The following GULP1 variants were observed in gnomAD, a reference collection of about 807,000 sequenced individuals.
GULP1 encodes PTB domain-containing engulfment adapter protein 1.
GULP1 carries 19 observed loss-of-function variants against 40.9 expected under a neutral mutation model. The ratio of observed to expected loss-of-function variants is 0.46; its 90% CI spans 0.32 to 0.68. GULP1 has a LOEUF of 0.68. Ranked by LOEUF, GULP1 falls within the 30% of genes least tolerant of loss-of-function variation. GULP1 has a pLI of 0.03. For synonymous variants in GULP1, 119 were observed against 117.6 expected (o/e 1.01, Z -0.08); for missense variants, 312 against 362.2 (o/e 0.86, Z 1.12).
chr2:188,355,295 G>GA (rs1207738877), intron 1 of GULP1, among the ~76,000 whole-genome samples: 1 of 151,410 alleles, frequency 6.6e-6, no homozygotes, highest in Non-Finnish European at 1.5e-5. Flanking sequence ...CTAGACTAAG[G>GA]AAAAAAAGGA....
intron 2 of GULP1, among the ~76,000 whole-genome samples, chr2:188,418,040 C>T (rs1442953888): frequency 6.6e-6 from 1 of 151,880 alleles, no homozygotes; most frequent in African/African-American, 2.4e-5. Flanking sequence ...TCTCAAACTC[C>T]AGGCCTCTAG....
chr2:188,323,647 GAT>G (rs201561235), intron 1 of GULP1, among the ~76,000 whole-genome samples: 23,026 of 111,074 alleles, frequency 0.21, 1,938 homozygotes, highest in African/African-American at 0.24. Flanking sequence ...GATATCTGAA[GAT>G]ATGTGTGTGT....
chr2:188,528,439 C>T (rs1355410074), intron 5 of GULP1, among the ~76,000 whole-genome samples: 1 of 151,698 alleles, frequency 6.6e-6, no homozygotes, highest in Non-Finnish European at 1.5e-5. Context: ...CAGAATCGAA[C>T]AAGCATTTAC....
chr2:188,410,558 A>G (rs1477735980), intron 2 of GULP1, among the ~76,000 whole-genome samples: 2 of 152,230 alleles, frequency 1.3e-5, no homozygotes, highest in East Asian at 3.9e-4. Context: ...TTCTCAGAAG[A>G]AAACATACAG....
intron 4 of GULP1, among the ~76,000 whole-genome samples, chr2:188,492,117 A>T (rs759718270): frequency 2.0e-5 from 3 of 152,100 alleles, no homozygotes; most frequent in Non-Finnish European, 4.4e-5. Context: ...CAGTACAAAG[A>T]GGTTGCTGGG....
At chr2:188,450,274 T>C (rs1358707445) in intron 2 of GULP1, among the ~76,000 whole-genome samples, 1 of 152,182 alleles carries the variant, frequency 6.6e-6, no homozygotes, top group African/African-American at 2.4e-5. Context: ...CATTTGTTTG[T>C]TGTCTAATTA....
chr2:188,382,493 A>G (rs1395035154), intron 1 of GULP1, among the ~76,000 whole-genome samples: 1 of 152,210 alleles, frequency 6.6e-6, no homozygotes, highest in African/African-American at 2.4e-5. Context: ...TCATCTCCCA[A>G]ATAAACTTCT....
chr2:188,502,124 G>A (rs2063490073), intron 4 of GULP1, among the ~76,000 whole-genome samples: 1 of 151,812 alleles, frequency 6.6e-6, no homozygotes, highest in South Asian at 2.1e-4. Context: ...TATATCCCTA[G>A]CGGTGTAAGA....
intron 2 of GULP1, among the ~76,000 whole-genome samples, chr2:188,391,789 G>T (rs1258175375): frequency 7.9e-5 from 12 of 152,008 alleles, no homozygotes; most frequent in Non-Finnish European, 1.6e-4. Flanking sequence ...TACCTTCTAT[G>T]CCTAGTTTTT....
chr2:188,432,398 ATT>A (rs924263170), intron 2 of GULP1, among the ~76,000 whole-genome samples: 27 of 148,968 alleles, frequency 1.8e-4, no homozygotes, highest in South Asian at 1.5e-3. Context: ...TCTGTTAATC[ATT>A]TTTTTTTTAG....
chr2:188,449,697 G>T (rs1037144568), intron 2 of GULP1, among the ~76,000 whole-genome samples: 2 of 152,120 alleles, frequency 1.3e-5, no homozygotes, highest in African/African-American at 4.8e-5. Context: ...AGATTGTAAA[G>T]AATTCCCATT....
At chr2:188,360,161 C>T (rs1336242355) in intron 1 of GULP1, among the ~76,000 whole-genome samples, 1 of 151,998 alleles carries the variant, frequency 6.6e-6, no homozygotes, top group Non-Finnish European at 1.5e-5. Flanking sequence ...ATGATTCTAC[C>T]TACTTCATTC....
At chr2:188,408,668 A>G (rs1281811826) in intron 2 of GULP1, among the ~76,000 whole-genome samples, 5 of 152,192 alleles carry the variant, frequency 3.3e-5, no homozygotes, top group Non-Finnish European at 4.4e-5. Context: ...GACCAAGCGG[A>G]CCAGACAGAC....
At chr2:188,495,819 A>G (rs1200908204) in intron 4 of GULP1, among the ~76,000 whole-genome samples, 1 of 152,048 alleles carries the variant, frequency 6.6e-6, no homozygotes, top group Non-Finnish European at 1.5e-5. Context: ...AAGATTTAAC[A>G]AAGATTTGAT....
intron 4 of GULP1, among the ~76,000 whole-genome samples, chr2:188,509,748 G>A (rs1030990311): frequency 6.6e-6 from 1 of 152,146 alleles, no homozygotes; most frequent in African/African-American, 2.4e-5. Context: ...GGCAATAATT[G>A]TATATTTGAA....
chr2:188,569,319 T>C lies in GULP1; in HGVS notation c.480T>C (p.Val160=). 1.3e-6 allele frequency: 2 copies of C among 1,594,310 alleles called. No individual in the cohort carries two copies. The change falls in exon 8 of 12, where the codon GTT becomes GTC. Residue 160 remains valine (V), a synonymous_variant. Coordinates refer to ENST00000409830, the MANE Select transcript of GULP1 (RefSeq NM_016315.4). ...RKFLESGGKD[V]ETRKQIAGLQ... ...TTCTAGAATCAGGAGGAAAAGATGTTGAAACAAGAAAACAGATCGCAGGGT... is the reference window on the plus strand; with the variant it reads ...TTCTAGAATCAGGAGGAAAAGATGTCGAAACAAGAAAACAGATCGCAGGGT...
At chr2:188,429,875 T>A (rs1178425236) in intron 2 of GULP1, among the ~76,000 whole-genome samples, 1 of 151,728 alleles carries the variant, frequency 6.6e-6, no homozygotes, top group Non-Finnish European at 1.5e-5. Flanking sequence ...CATGCCCGGC[T>A]AATTTTTGTA....
chr2:188,435,916 G>T (rs908524151), intron 2 of GULP1, among the ~76,000 whole-genome samples: 1 of 151,998 alleles, frequency 6.6e-6, no homozygotes, highest in Non-Finnish European at 1.5e-5. Flanking sequence ...CTTTAAAAAG[G>T]CCCAGTCCCT....
Position 188,481,058 on chromosome 2 carries a change from A to G in GULP1, c.29-2373A>G, listed in dbSNP as rs533337370. 2.6e-5 allele frequency among the ~76,000 whole-genome samples: 4 copies of G among 152,086 alleles called. No homozygotes were observed. The South Asian group carries it at 8.3e-4, about 32-fold the overall frequency. On this transcript the variant is annotated intron_variant, in intron 3 of 11. Coordinates refer to ENST00000409830, the MANE Select transcript of GULP1 (RefSeq NM_016315.4). ...GAGTTCTTAATCTAGATGCATTTTG[A>G]AAACCTAAATTTATTGACCCAGCAA...
Sources: allele counts gnomAD v4.1 joint callset (sites outside exome capture counted in the v4.1 genomes callset), GRCh38; gene constraint gnomAD v4.1.1; transcripts MANE v1.5; gene names NCBI Gene and HGNC (gene_info 2026-07-23, HGNC 2026-07-21).